The following TTC23 variants were observed in gnomAD, a reference collection of about 807,000 sequenced individuals.
TTC23 encodes the protein tetratricopeptide repeat protein 23.
A neutral mutation model predicts 55.1 loss-of-function variants in TTC23; 58 were observed. The ratio of observed to expected loss-of-function variants is 1.05; its 90% CI spans 0.85 to 1.31. The LOEUF is 1.31. TTC23 is among the 50% of genes most tolerant of loss of function. The pLI, the probability that TTC23 is intolerant of heterozygous loss-of-function variation, is 0.00. For synonymous variants in TTC23, 203 were observed against 199.9 expected (o/e 1.02, Z -0.13); for missense variants, 516 against 534.4 (o/e 0.97, Z 0.34).
At chr15:99,238,116 C>A (rs764350099) in intron 3 of TTC23, among the ~76,000 whole-genome samples, 2 of 152,112 alleles carry the variant, frequency 1.3e-5, no homozygotes, top group Non-Finnish European at 2.9e-5. Flanking sequence ...CAGGCATGCA[C>A]CACCATGCCT....
At chr15:99,138,180 C>A in intron 13 of TTC23, 53 bp from the exon 14 acceptor site, 1 of 1,598,792 alleles carries the variant, frequency 6.3e-7, no homozygotes, top group South Asian at 1.1e-5. Flanking sequence ...CCCCCCACAC[C>A]GTTCCCATCC....
At chr15:99,143,001 T>C (rs1342154841) in intron 12 of TTC23, among the ~76,000 whole-genome samples, 3 of 152,176 alleles carry the variant, frequency 2.0e-5, no homozygotes, top group Non-Finnish European at 4.4e-5. Context: ...TAAGGTTACT[T>C]ATCCTTACTA....
intron 10 of TTC23, among the ~76,000 whole-genome samples, chr15:99,167,862 C>T (rs1222658824): frequency 6.6e-6 from 1 of 152,194 alleles, no homozygotes; most frequent in Non-Finnish European, 1.5e-5. Context: ...GAAATAGTCC[C>T]TACTCTGTAC....
intron 8 of TTC23, among the ~76,000 whole-genome samples, chr15:99,201,744 C>G (rs181540838): frequency 7.9e-5 from 12 of 152,298 alleles, no homozygotes; most frequent in Admixed American, 2.6e-4. Context: ...ATAGGCGACC[C>G]AGTAATACCG....
At chr15:99,139,634 A>G (rs1423138506) in intron 12 of TTC23, 48 of 1,496,572 alleles carry the variant, frequency 3.2e-5, no homozygotes, top group Non-Finnish European at 4.2e-5. Context: ...GACTATCTGT[A>G]TGCAAAAAAT....
At chr15:99,220,119 T>C (rs1276643083) in intron 6 of TTC23, among the ~76,000 whole-genome samples, 5 of 152,148 alleles carry the variant, frequency 3.3e-5, no homozygotes, top group African/African-American at 1.2e-4. Flanking sequence ...GGAGGCAGCA[T>C]AGGGTGAAGT....
At chr15:99,225,584 A>G (rs2078333656) in intron 5 of TTC23, among the ~76,000 whole-genome samples, 1 of 152,236 alleles carries the variant, frequency 6.6e-6, no homozygotes, top group South Asian at 2.1e-4. Flanking sequence ...TATTTGAAAA[A>G]TACAATTTCC....
chr15:99,195,309 C>G (rs2075603164), intron 9 of TTC23, among the ~76,000 whole-genome samples: 1 of 152,206 alleles, frequency 6.6e-6, no homozygotes, highest in Non-Finnish European at 1.5e-5. Context: ...ACACAGATGA[C>G]AAGCCCATGG....
At chr15:99,203,521 T>A (rs1172608221) in intron 8 of TTC23, among the ~76,000 whole-genome samples, 1 of 152,010 alleles carries the variant, frequency 6.6e-6, no homozygotes, top group African/African-American at 2.4e-5. Context: ...CAAAAAAATA[T>A]TGTTAACTAT....
intron 10 of TTC23, among the ~76,000 whole-genome samples, chr15:99,164,871 G>A (rs543294390): frequency 3.1e-4 from 47 of 152,182 alleles, no homozygotes; most frequent in Non-Finnish European, 6.3e-4. Context: ...CTTCTTGGAG[G>A]CAGCAGGGTG....
At chr15:99,143,228 G>T (rs1555491355) in intron 12 of TTC23, among the ~76,000 whole-genome samples, 2 of 152,216 alleles carry the variant, frequency 1.3e-5, no homozygotes. Flanking sequence ...ACTTCTACTA[G>T]AAAATGTTTT....
intron 12 of TTC23, among the ~76,000 whole-genome samples, chr15:99,150,769 T>C (rs1567333107): frequency 6.6e-6 from 1 of 152,224 alleles, no homozygotes; most frequent in Non-Finnish European, 1.5e-5. Flanking sequence ...CTGTGGGCCA[T>C]AGTTTGGGAC....
In TTC23 at chr15:99,211,248, A is replaced by G. The variant is rs140146865; in HGVS notation, c.581+7340T>C. Among the ~76,000 whole-genome samples, 1,160 of 152,150 alleles carry G rather than the reference A, an allele frequency of 7.6e-3. 13 individuals carry two copies. Among genetic ancestry groups the G allele is most frequent in the African/African-American group, 0.027 (1,127 of 41,512 alleles). On this transcript the variant is annotated intron_variant, in intron 8 of 13. Coordinates refer to ENST00000394132, the MANE Select transcript of TTC23 (RefSeq NM_001288615.3). ...AAATTAGCTGGGCGTGGTGGCACACATGTGTAATCCCAGCTACTTGGGAGG... is the reference window on the plus strand; with the variant it reads ...AAATTAGCTGGGCGTGGTGGCACACGTGTGTAATCCCAGCTACTTGGGAGG...
intron 12 of TTC23, 195 bp from the exon 13 acceptor site, chr15:99,139,594 G>C (rs1555489180): frequency 6.5e-7 from 1 of 1,531,600 alleles, no homozygotes; most frequent in South Asian, 1.2e-5. Context: ...AAAGTGAACA[G>C]TTTTAGCACT....
chr15:99,203,751 A>G (rs1248085483), intron 8 of TTC23, among the ~76,000 whole-genome samples: 3 of 150,762 alleles, frequency 2.0e-5, no homozygotes, highest in East Asian at 1.9e-4. Context: ...TGAAAATGTG[A>G]TATTTTCTGT....
chr15:99,221,708 CA>C lies in TTC23; in HGVS notation c.304+32del, dbSNP rs762101075. 1.9e-6 allele frequency: 3 copies of C among 1,611,906 alleles called. No individual in the cohort carries two copies. The African/African-American group carries it at 4.0e-5, about 22-fold the overall frequency. ...TTTGGGGAGAACAGCAGAAATCGAC[CA>C]ACTGATCCCCCTCAGTCTAAGGCGA... is the stretch of plus-strand genomic sequence containing the variant. On this transcript the variant is annotated intron_variant, in intron 6 of 13. Coordinates refer to ENST00000394132, the MANE Select transcript of TTC23 (RefSeq NM_001288615.3).
chr15:99,228,405 C>G, intron 5 of TTC23, 128 bp downstream of exon 5: 2 of 771,510 alleles, frequency 2.6e-6, no homozygotes, highest in Non-Finnish European at 3.8e-6. Flanking sequence ...AACAAAGGCA[C>G]TGTCTTATAT....
intron 2 of TTC23, among the ~76,000 whole-genome samples, chr15:99,241,971 C>T (rs532825588): frequency 1.3e-5 from 2 of 152,196 alleles, no homozygotes; most frequent in Admixed American, 1.3e-4. Flanking sequence ...CCCGTCTCCA[C>T]TAAAATTGCA....
chr15:99,207,828 C>T (rs2076744656), intron 8 of TTC23, among the ~76,000 whole-genome samples: 1 of 152,058 alleles, frequency 6.6e-6, no homozygotes, highest in Non-Finnish European at 1.5e-5. Flanking sequence ...TATAAGAAGC[C>T]TGAGGACGCT....
Sources: allele counts gnomAD v4.1 joint callset (sites outside exome capture counted in the v4.1 genomes callset), GRCh38; gene constraint gnomAD v4.1.1; transcripts MANE v1.5; gene names NCBI Gene and HGNC (gene_info 2026-07-23, HGNC 2026-07-21).